EBF1: variants seen among roughly 807,000 people sequenced by gnomAD.
EBF1 encodes the protein transcription factor COE1.
Under a neutral mutation model 68.4 loss-of-function variants are expected in EBF1, and 10 were observed. The ratio of observed to expected loss-of-function variants is 0.15; its 90% CI spans 0.09 to 0.25. The LOEUF (loss-of-function observed/expected upper bound fraction) is 0.25, where lower values mean the gene tolerates loss of function less well. EBF1 is among the 10% of genes least tolerant of loss of function. The pLI is 1.00. For missense variants in EBF1, 509 were observed against 794.4 expected (o/e 0.64, Z 4.32); for synonymous variants, 298 against 299.8 (o/e 0.99, Z 0.06).
chr5:158,869,310 A>G (rs1007714965), intron 6 of EBF1, among the ~76,000 whole-genome samples: 1 of 152,172 alleles, frequency 6.6e-6, no homozygotes, highest in African/African-American at 2.4e-5. Context: ...CAATTTGCAT[A>G]ACAATGTGCT....
At chr5:158,715,169 A>C (rs1444544269) in intron 11 of EBF1, among the ~76,000 whole-genome samples, 1 of 152,254 alleles carries the variant, frequency 6.6e-6, no homozygotes, top group Admixed American at 6.5e-5. Context: ...AGGGTGTGGT[A>C]GGATCATCAG....
intron 6 of EBF1, among the ~76,000 whole-genome samples, chr5:158,861,320 C>A (rs748361424): frequency 7.2e-6 from 1 of 139,330 alleles, no homozygotes; most frequent in African/African-American, 2.7e-5. Flanking sequence ...ATGTTAAAAA[C>A]AGCAGTAACC....
At chr5:158,701,581 G>A (rs1432378584) in intron 15 of EBF1, among the ~76,000 whole-genome samples, 1 of 152,214 alleles carries the variant, frequency 6.6e-6, no homozygotes, top group Non-Finnish European at 1.5e-5. Context: ...AATCCCCTGG[G>A]TGCGTAAGTG....
intron 6 of EBF1, among the ~76,000 whole-genome samples, chr5:158,995,957 G>C (rs534315126): frequency 6.6e-6 from 1 of 152,030 alleles, no homozygotes; most frequent in African/African-American, 2.4e-5. Flanking sequence ...GTGCAATAAC[G>C]GTGTCAAGTG....
rs1783279170 is a variant in EBF1, at chr5:159,099,635, G to A, written c.-157C>T. On this transcript the variant is annotated 5_prime_UTR_variant, in exon 1 of 16. Coordinates refer to ENST00000313708, the MANE Select transcript of EBF1 (RefSeq NM_024007.5). Reference sequence around the variant, plus strand: ...GAACTCGCACTTAGAAGATCAAGGCGGGCTGGAAAGCAAATTTTTAAAAAA... The same window carrying A: ...GAACTCGCACTTAGAAGATCAAGGCAGGCTGGAAAGCAAATTTTTAAAAAA... The A allele has an allele frequency of 3.0e-6, 3 of 1,002,622 alleles. No homozygotes were observed. The African/African-American group carries it at 5.1e-5, about 17-fold the overall frequency. The allele number at this position is 1,002,622 out of a possible 1,614,324, so 62.1% of individuals were successfully genotyped here.
chr5:158,958,436 G>A lies in EBF1; in HGVS notation c.554+114960C>T, dbSNP rs555380887. 1.0e-3 allele frequency among the ~76,000 whole-genome samples: 157 copies of A among 152,146 alleles called. 1 individual carries two copies. The highest frequency in any genetic ancestry group is 1.9e-3 in the Non-Finnish European group (126 of 67,992). On this transcript the variant is annotated intron_variant, in intron 6 of 15. Coordinates refer to ENST00000313708, the MANE Select transcript of EBF1 (RefSeq NM_024007.5). The stretch of plus-strand genomic sequence containing the variant: ...GGAAGCGGCCTTAGAGTGAGGTTCC[G>A]ATCACAGAGTTCAGTTCACCTCTCA...
chr5:158,884,808 A>T (rs2032774390), intron 6 of EBF1, among the ~76,000 whole-genome samples: 1 of 152,202 alleles, frequency 6.6e-6, no homozygotes, highest in South Asian at 2.1e-4. Flanking sequence ...CTCTTCATCC[A>T]TTTGTGCTTA....
At chr5:158,801,667 T>TAAA (rs11290189) in intron 8 of EBF1, among the ~76,000 whole-genome samples, 7 of 128,250 alleles carry the variant, frequency 5.5e-5, no homozygotes, top group African/African-American at 1.4e-4. Context: ...AGGGAAGAAT[T>TAAA]AAAAAAAAAA....
chr5:158,822,031 A>C (rs967455092), intron 8 of EBF1, among the ~76,000 whole-genome samples: 66 of 152,280 alleles, frequency 4.3e-4, no homozygotes, highest in African/African-American at 1.5e-3. Flanking sequence ...GGATGCTGGC[A>C]GAGAAGGGAG....
chr5:158,902,819 A>G (rs1363823412), intron 6 of EBF1, among the ~76,000 whole-genome samples: 1 of 152,050 alleles, frequency 6.6e-6, no homozygotes, highest in Non-Finnish European at 1.5e-5. Context: ...AAAGCTGTGG[A>G]TAGAAAAGAG....
chr5:158,844,937 C>T (rs1325043322), intron 6 of EBF1, among the ~76,000 whole-genome samples: 1 of 152,180 alleles, frequency 6.6e-6, no homozygotes, highest in Non-Finnish European at 1.5e-5. Context: ...ATATTAGTAT[C>T]TAGTTTGAGT....
At chr5:159,095,272 G>C (rs975255162) in intron 4 of EBF1, among the ~76,000 whole-genome samples, 26 of 152,070 alleles carry the variant, frequency 1.7e-4, no homozygotes, top group Admixed American at 1.2e-3. Flanking sequence ...GGGTTTCAAA[G>C]GTTCAGCCCA....
chr5:158,998,478 T>C lies in EBF1; in HGVS notation c.554+74918A>G, dbSNP rs372672220. ...AAGGCCAGGGACTTTGTTCCCACTATTGACTGCCTGAATCCACAGAATCTG... is the reference window on the plus strand; with the variant it reads ...AAGGCCAGGGACTTTGTTCCCACTACTGACTGCCTGAATCCACAGAATCTG... On this transcript the variant is annotated intron_variant, in intron 6 of 15. Transcript: ENST00000313708. Among the ~76,000 whole-genome samples the C allele has an allele frequency of 4.6e-5, 7 of 152,320 alleles. 1 individual carries two copies. Among genetic ancestry groups the C allele is most frequent in the African/African-American group, 1.4e-4 (6 of 41,576 alleles).
chr5:159,052,653 G>A (rs1345787692), intron 6 of EBF1, among the ~76,000 whole-genome samples: 1 of 152,184 alleles, frequency 6.6e-6, no homozygotes, highest in African/African-American at 2.4e-5. Flanking sequence ...GAGACTGGAC[G>A]GATCCTTTAC....
intron 11 of EBF1, among the ~76,000 whole-genome samples, chr5:158,726,165 A>G (rs1391698290): frequency 6.6e-6 from 1 of 152,228 alleles, no homozygotes; most frequent in Admixed American, 6.5e-5. Context: ...TGTTTCATAA[A>G]GGATAAAAAA....
intron 6 of EBF1, among the ~76,000 whole-genome samples, chr5:158,968,723 T>C (rs951606909): frequency 1.8e-4 from 28 of 152,206 alleles, no homozygotes; most frequent in African/African-American, 6.5e-4. Flanking sequence ...CAACTTGTCT[T>C]TTATGAAAAC....
chr5:158,746,587 C>G (rs1767618118), intron 10 of EBF1, among the ~76,000 whole-genome samples: 1 of 152,132 alleles, frequency 6.6e-6, no homozygotes, highest in Non-Finnish European at 1.5e-5. Context: ...GTTCCCCAAA[C>G]TGAATCTTGC....
At chr5:159,084,784 C>CAT in intron 4 of EBF1, 45 bp from the exon 5 acceptor site, 1 of 1,311,770 alleles carries the variant, frequency 7.6e-7, no homozygotes, top group Non-Finnish European at 1.0e-6. Context: ...AAAGGAGTAG[C>CAT]AGAAAAAAAA....
chr5:159,053,729 T>C (rs762023044), intron 6 of EBF1, among the ~76,000 whole-genome samples: 1 of 152,160 alleles, frequency 6.6e-6, no homozygotes, highest in Non-Finnish European at 1.5e-5. Context: ...AATGAGTATA[T>C]GTACCCCGGA....
Sources: gnomAD v4.1 joint callset for allele counts (sites outside exome capture counted in the v4.1 genomes callset) on GRCh38, gnomAD v4.1.1 for gene constraint, MANE v1.5 for transcripts, NCBI Gene and HGNC (gene_info 2026-07-23, HGNC 2026-07-21) for gene names.